DLGAP2: variants seen among roughly 807,000 people sequenced by gnomAD.
The protein encoded by DLGAP2 is disks large-associated protein 2.
Under a neutral mutation model 100.3 loss-of-function variants are expected in DLGAP2, and 26 were observed. The ratio of observed to expected loss-of-function variants is 0.26; its 90% CI spans 0.19 to 0.36. DLGAP2 has a LOEUF of 0.36. Among genes scored for constraint, DLGAP2 ranks in the 10% least tolerant of loss-of-function variants. DLGAP2 has a pLI of 1.00. For missense variants in DLGAP2, 1,858 were observed against 1,453.2 expected (o/e 1.28, Z -4.53); for synonymous variants, 886 against 630.1 (o/e 1.41, Z -6.08).
At chr8:1,169,523 G>A (rs1797085512) in intron 2 of DLGAP2, among the ~76,000 whole-genome samples, 1 of 152,288 alleles carries the variant, frequency 6.6e-6, no homozygotes, top group Admixed American at 6.5e-5. Context: ...AGCATGGAAT[G>A]TTCTTCCATT....
chr8:804,469 G>A (rs892455852), intron 1 of DLGAP2, among the ~76,000 whole-genome samples: 1 of 152,186 alleles, frequency 6.6e-6, no homozygotes, highest in Non-Finnish European at 1.5e-5. Flanking sequence ...TTGGGTGACC[G>A]ATTCTCCGGC....
intron 2 of DLGAP2, among the ~76,000 whole-genome samples, chr8:1,223,632 T>C (rs778113457): frequency 3.3e-5 from 5 of 152,234 alleles, no homozygotes; most frequent in Non-Finnish European, 7.3e-5. Flanking sequence ...ACTAGAGACA[T>C]ACGCACTGAT....
At chr8:1,112,990 C>G (rs1805008103) in intron 2 of DLGAP2, among the ~76,000 whole-genome samples, 1 of 152,138 alleles carries the variant, frequency 6.6e-6, no homozygotes, top group Admixed American at 6.5e-5. Flanking sequence ...TTTTTGTCAG[C>G]TTTGTCTAAG....
chr8:1,610,323 A>G (rs1288590741), intron 6 of DLGAP2, among the ~76,000 whole-genome samples: 11 of 151,970 alleles, frequency 7.2e-5, no homozygotes, highest in Non-Finnish European at 1.6e-4. Flanking sequence ...AGAAATAAAG[A>G]TGTTCTTTGA....
chr8:823,382 A>G (rs1327340755), intron 1 of DLGAP2, among the ~76,000 whole-genome samples: 1 of 152,094 alleles, frequency 6.6e-6, no homozygotes, highest in Non-Finnish European at 1.5e-5. Flanking sequence ...AGTTCACAGT[A>G]CGCTTGTCAA....
chr8:1,463,290 C>A (rs372696772), intron 3 of DLGAP2, among the ~76,000 whole-genome samples: 3 of 152,220 alleles, frequency 2.0e-5, no homozygotes, highest in Non-Finnish European at 2.9e-5. Context: ...GCTGATGAGA[C>A]AAGCGGCCCC....
intron 3 of DLGAP2, among the ~76,000 whole-genome samples, chr8:1,492,848 G>C (rs933417503): frequency 2.0e-5 from 3 of 152,180 alleles, no homozygotes; most frequent in Non-Finnish European, 4.4e-5. Flanking sequence ...GGGACAGTAG[G>C]CCGGAGAAAA....
At chr8:1,152,408 A>G (rs1415625313) in intron 2 of DLGAP2, among the ~76,000 whole-genome samples, 1 of 152,240 alleles carries the variant, frequency 6.6e-6, no homozygotes, top group East Asian at 1.9e-4. Flanking sequence ...AATGACACTA[A>G]GTATTTAAAC....
intron 3 of DLGAP2, among the ~76,000 whole-genome samples, chr8:1,457,588 T>C (rs753889868): frequency 4.6e-5 from 7 of 152,214 alleles, no homozygotes; most frequent in Non-Finnish European, 1.0e-4. Flanking sequence ...GCAAACCAGC[T>C]TCATTTTGAA....
intron 1 of DLGAP2, among the ~76,000 whole-genome samples, chr8:842,109 C>T (rs939321259): frequency 2.6e-5 from 4 of 152,206 alleles, no homozygotes; most frequent in African/African-American, 7.2e-5. Context: ...ATTCTGCATT[C>T]TTTCCCTTCT....
At chr8:1,299,602 G>T (rs1356257027) in intron 3 of DLGAP2, among the ~76,000 whole-genome samples, 1 of 152,086 alleles carries the variant, frequency 6.6e-6, no homozygotes, top group East Asian at 1.9e-4. Context: ...GTTCCTGCTG[G>T]GATATTCATT....
intron 3 of DLGAP2, among the ~76,000 whole-genome samples, chr8:1,451,437 C>G (rs967857172): frequency 2.6e-5 from 4 of 152,252 alleles, no homozygotes; most frequent in African/African-American, 9.6e-5. Context: ...CATCCATCAG[C>G]CCAGCACGCT....
chr8:927,758 G>C (rs549742658), intron 2 of DLGAP2, among the ~76,000 whole-genome samples: 3 of 152,238 alleles, frequency 2.0e-5, no homozygotes, highest in Admixed American at 6.5e-5. Context: ...GGTTAGAGTT[G>C]GGAATTACTG....
intron 2 of DLGAP2, among the ~76,000 whole-genome samples, chr8:1,057,908 A>G (rs1406065468): frequency 6.6e-6 from 1 of 152,246 alleles, no homozygotes. Context: ...CAGTTCTTAA[A>G]TCCTTCATTT....
intron 2 of DLGAP2, among the ~76,000 whole-genome samples, chr8:1,189,417 G>C (rs1361940804): frequency 6.6e-6 from 1 of 152,212 alleles, no homozygotes; most frequent in Non-Finnish European, 1.5e-5. Flanking sequence ...CAGTTACCAT[G>C]TCAGAAGCAT....
chr8:1,676,441 T>A (rs1798812665), intron 10 of DLGAP2, 92 bp from the exon 11 acceptor site: 2 of 1,360,196 alleles, frequency 1.5e-6, no homozygotes, highest in Admixed American at 4.0e-5. Context: ...AAATGCGTAA[T>A]TAATTACAGC....
At chr8:1,071,142 C>T (rs1299988444) in intron 2 of DLGAP2, among the ~76,000 whole-genome samples, 1 of 152,170 alleles carries the variant, frequency 6.6e-6, no homozygotes, top group Non-Finnish European at 1.5e-5. Context: ...TGACTGCAGC[C>T]CAGCTGCCGA....
At chr8:1,437,190 G>T (rs113449616) in intron 3 of DLGAP2, among the ~76,000 whole-genome samples, 108 of 142,054 alleles carry the variant, frequency 7.6e-4, no homozygotes, top group African/African-American at 2.6e-3. Flanking sequence ...ATCCGGGTCT[G>T]CGTTCAGCCC....
At chr8:1,585,650 G>A (rs988854325) in intron 6 of DLGAP2, among the ~76,000 whole-genome samples, 1 of 152,150 alleles carries the variant, frequency 6.6e-6, no homozygotes, top group African/African-American at 2.4e-5. Flanking sequence ...CTCACCACAG[G>A]GAGACATCCC....
Sources: gnomAD v4.1 joint callset for allele counts (sites outside exome capture counted in the v4.1 genomes callset) on GRCh38, gnomAD v4.1.1 for gene constraint, MANE v1.5 for transcripts, NCBI Gene and HGNC (gene_info 2026-07-23, HGNC 2026-07-21) for gene names.